MCTP2: variants seen among roughly 807,000 people sequenced by gnomAD.
MCTP2 encodes multiple C2 and transmembrane domain-containing protein 2.
A neutral mutation model predicts 111.6 loss-of-function variants in MCTP2; 132 were observed. That is an observed-to-expected ratio of 1.18 (90% CI 1.03 to 1.37). The LOEUF is 1.37. Ranked by LOEUF, MCTP2 falls within the 40% of genes most tolerant of loss-of-function variation. MCTP2 has a pLI of 0.00. For synonymous variants in MCTP2, 395 were observed against 387.7 expected, an observed-to-expected ratio of 1.02 and a Z score of -0.22; for missense variants, 1,183 against 1,067.9, an observed-to-expected ratio of 1.11 and a Z score of -1.50.
intron 17 of MCTP2, among the ~76,000 whole-genome samples, chr15:94,420,327 C>T (rs1042883102): frequency 2.0e-5 from 3 of 152,096 alleles, no homozygotes; most frequent in African/African-American, 7.2e-5. Flanking sequence ...ACATAACATC[C>T]ATTCTGTAGC....
intron 12 of MCTP2, among the ~76,000 whole-genome samples, chr15:94,377,506 C>T (rs1405271315): frequency 4.6e-5 from 7 of 152,128 alleles, no homozygotes; most frequent in South Asian, 2.1e-4. Context: ...TTAGAGGCAC[C>T]GTGAGGGTGA....
chr15:94,236,449 C>G (rs1248077961), intron 1 of MCTP2, among the ~76,000 whole-genome samples: 1 of 116,632 alleles, frequency 8.6e-6, no homozygotes, highest in Non-Finnish European at 1.6e-5. Flanking sequence ...TAAGAATGTA[C>G]AGATAGTGAC....
At chr15:94,375,908 C>T (rs1318984305) in intron 12 of MCTP2, among the ~76,000 whole-genome samples, 2 of 152,142 alleles carry the variant, frequency 1.3e-5, no homozygotes, top group Non-Finnish European at 2.9e-5. Context: ...ATAGCTTCCT[C>T]GACCACTTTT....
chr15:94,242,276 C>T (rs1019884989), intron 1 of MCTP2, among the ~76,000 whole-genome samples: 1 of 152,108 alleles, frequency 6.6e-6, no homozygotes, highest in African/African-American at 2.4e-5. Flanking sequence ...TCAGTTTTCT[C>T]ATTTGTAAAA....
At chr15:94,269,419 G>GT (rs2073785830) in intron 1 of MCTP2, among the ~76,000 whole-genome samples, 1 of 152,204 alleles carries the variant, frequency 6.6e-6, no homozygotes, top group South Asian at 2.1e-4. Flanking sequence ...AATAATTGAT[G>GT]TTTTAGACAG....
Position 94,361,083 on chromosome 15 carries a change from A to AG in MCTP2, c.1301+2472dup, listed in dbSNP as rs1315786057. On this transcript the variant is annotated intron_variant, in intron 10 of 22. Transcript: ENST00000357742. ...TCCTGGCTATTGTTTAAATATTTCA[A>AG]GTTTTTTTTTTTTTTTTTTTTTTTT... Among the ~76,000 whole-genome samples the AG allele has an allele frequency of 3.5e-4, 9 of 25,650 alleles. No homozygotes were observed. The East Asian group carries it at 6.8e-3, about 19-fold the overall frequency. The allele number at this position is 25,650 out of a possible 152,430, so 16.8% of individuals were successfully genotyped here.
intron 20 of MCTP2, among the ~76,000 whole-genome samples, chr15:94,458,930 T>C (rs923917824): frequency 6.6e-6 from 1 of 152,226 alleles, no homozygotes; most frequent in African/African-American, 2.4e-5. Flanking sequence ...CATGCTGGAT[T>C]TGATTTATAG....
intron 1 of MCTP2, among the ~76,000 whole-genome samples, chr15:94,274,232 G>A (rs750216362): frequency 1.3e-5 from 2 of 152,142 alleles, no homozygotes; most frequent in Non-Finnish European, 2.9e-5. Context: ...TAATGAAAAT[G>A]TGACATATTA....
At chr15:94,425,857 G>T (rs551271229) in intron 17 of MCTP2, among the ~76,000 whole-genome samples, 3 of 152,198 alleles carry the variant, frequency 2.0e-5, no homozygotes, top group Non-Finnish European at 4.4e-5. Flanking sequence ...TTAAATAATT[G>T]CATCTATAAT....
intron 1 of MCTP2, among the ~76,000 whole-genome samples, chr15:94,268,196 T>C (rs887562913): frequency 1.3e-5 from 2 of 148,302 alleles, no homozygotes; most frequent in African/African-American, 5.0e-5. Flanking sequence ...TTTTTTTTTT[T>C]TTGAGACAGA....
chr15:94,264,307 T>C (rs1396803806), intron 1 of MCTP2, among the ~76,000 whole-genome samples: 1 of 152,102 alleles, frequency 6.6e-6, no homozygotes, highest in Admixed American at 6.6e-5. Flanking sequence ...ACAAGGGGTA[T>C]AATAATATTG....
At chr15:94,405,538 C>A (rs2081857947) in intron 17 of MCTP2, among the ~76,000 whole-genome samples, 1 of 152,154 alleles carries the variant, frequency 6.6e-6, no homozygotes, top group Non-Finnish European at 1.5e-5. Flanking sequence ...CTAGATGACC[C>A]AAGCATCACC....
intron 2 of MCTP2, among the ~76,000 whole-genome samples, chr15:94,312,263 A>G (rs2152358191): frequency 6.6e-6 from 1 of 152,360 alleles, no homozygotes; most frequent in South Asian, 2.1e-4. Flanking sequence ...TAAAACACAT[A>G]CAAATAAATC....
At chr15:94,453,126 A>G (rs1339469054) in intron 19 of MCTP2, among the ~76,000 whole-genome samples, 3 of 152,196 alleles carry the variant, frequency 2.0e-5, no homozygotes, top group Non-Finnish European at 4.4e-5. Context: ...TGTATTTAAT[A>G]TTTCCACTAT....
At chr15:94,314,857 G>A in intron 3 of MCTP2, 2 of 444,680 alleles carry the variant, frequency 4.5e-6, no homozygotes, top group Non-Finnish European at 4.5e-6. Context: ...TGACTGAGTT[G>A]CGGGAAGGTG....
intron 17 of MCTP2, among the ~76,000 whole-genome samples, chr15:94,434,146 G>A (rs1391530118): frequency 1.3e-5 from 2 of 151,732 alleles, no homozygotes; most frequent in Admixed American, 6.6e-5. Context: ...CTGTCACCCA[G>A]GCTGGAGTAC....
chr15:94,394,221 TACTTA>T (rs143717208), intron 14 of MCTP2, among the ~76,000 whole-genome samples: 6,406 of 152,162 alleles, frequency 0.042, 199 homozygotes, highest in Middle Eastern at 0.1. Context: ...TTTTTAACAT[TACTTA>T]ACTTATCTTA....
At chr15:94,288,346 A>G (rs1019628204) in intron 1 of MCTP2, among the ~76,000 whole-genome samples, 2 of 152,204 alleles carry the variant, frequency 1.3e-5, no homozygotes, top group African/African-American at 4.8e-5. Context: ...TAGCCTGAAC[A>G]TACATGGATC....
chr15:94,405,743 T>C (rs2081866086), intron 17 of MCTP2, among the ~76,000 whole-genome samples: 1 of 152,246 alleles, frequency 6.6e-6, no homozygotes, highest in African/African-American at 2.4e-5. Context: ...TTCTATAGAC[T>C]CAGTTCTTCT....
Sources: gnomAD v4.1 joint callset for allele counts (sites outside exome capture counted in the v4.1 genomes callset) on GRCh38, gnomAD v4.1.1 for gene constraint, MANE v1.5 for transcripts, NCBI Gene and HGNC (gene_info 2026-07-23, HGNC 2026-07-21) for gene names.